Variants in LRRC38 observed in about 807,000 individuals in gnomAD.
LRRC38 encodes leucine rich repeat containing 38, also known as leucine-rich repeat-containing protein 38.
Under a neutral mutation model 16.4 loss-of-function variants are expected in LRRC38, and 5 were observed. That is an observed-to-expected ratio of 0.31 (90% CI 0.16 to 0.64). The LOEUF is 0.64. LRRC38 is among the 30% of genes least tolerant of loss of function. The pLI, the probability that LRRC38 is intolerant of heterozygous loss-of-function variation, is 0.80. For missense variants in LRRC38, 341 were observed against 401.8 expected, an observed-to-expected ratio of 0.85 and a Z score of 1.29; for synonymous variants, 191 against 190.2, an observed-to-expected ratio of 1.00 and a Z score of -0.04.
chr1:13,494,976 G>GT (rs1179067602), intron 1 of LRRC38, among the ~76,000 whole-genome samples: 1 of 152,152 alleles, frequency 6.6e-6, no homozygotes, highest in East Asian at 1.9e-4. Context: ...GTCACCTTTG[G>GT]TTTAGCCCCT....
intron 1 of LRRC38, among the ~76,000 whole-genome samples, chr1:13,501,414 A>G (rs750535083): frequency 2.6e-5 from 4 of 151,876 alleles, no homozygotes; most frequent in Non-Finnish European, 5.9e-5. Context: ...TATTTTATTT[A>G]TTTATTTATT....
chr1:13,505,274 C>T (rs1557504774), intron 1 of LRRC38, among the ~76,000 whole-genome samples: 1 of 152,220 alleles, frequency 6.6e-6, no homozygotes. Context: ...AGAGTAGCCG[C>T]TCCCTCCCTC....
intron 1 of LRRC38, 31 bp downstream of exon 1, chr1:13,512,929 CCCT>C: frequency 1.7e-6 from 2 of 1,184,650 alleles, no homozygotes; most frequent in Non-Finnish European, 2.4e-6. Flanking sequence ...CTGCCCCCCT[CCCT>C]CCCTCCCCCA....
At chr1:13,480,067 G>A (rs376525535) in intron 1 of LRRC38, among the ~76,000 whole-genome samples, 41 of 152,326 alleles carry the variant, frequency 2.7e-4, no homozygotes, top group African/African-American at 9.1e-4. Flanking sequence ...TCTCCAGTCC[G>A]GGAGTGGTGG....
Position 13,475,809 on chromosome 1 carries a change from G to A in LRRC38, c.*37C>T, listed in dbSNP as rs200048884. 519 of 1,538,616 alleles carry A rather than the reference G, an allele frequency of 3.4e-4. No homozygotes were observed. Among genetic ancestry groups the A allele is most frequent in the Non-Finnish European group, 4.3e-4 (485 of 1,139,684 alleles). On this transcript the variant is annotated 3_prime_UTR_variant, in exon 2 of 2. Coordinates refer to ENST00000376085, the MANE Select transcript of LRRC38 (RefSeq NM_001010847.2). The surrounding 1 kb of genome is among the most constrained non-coding windows in gnomAD (Gnocchi z 4.3). ...TCGTCTTGGAGAGAGCTTCTGGTTC[G>A]GTGCTGGAGAGTAAGAGGCAGGAGG...
intron 1 of LRRC38, among the ~76,000 whole-genome samples, chr1:13,498,254 A>C (rs373455415): frequency 0.062 from 8,014 of 130,228 alleles, 655 homozygotes; most frequent in African/African-American, 0.18. Context: ...CAAAACAAAA[A>C]AAAAAAGAGC....
At chr1:13,512,931 C>CTCCG (rs1234558755) in intron 1 of LRRC38, 32 bp downstream of exon 1, 2 of 1,403,980 alleles carry the variant, frequency 1.4e-6, no homozygotes, top group Admixed American at 4.4e-5. Context: ...GCCCCCCTCC[C>CTCCG]TCCCTCCCCC....
chr1:13,495,879 C>T (rs934610145), intron 1 of LRRC38, among the ~76,000 whole-genome samples: 2 of 152,118 alleles, frequency 1.3e-5, no homozygotes, highest in Non-Finnish European at 2.9e-5. Flanking sequence ...TCAGTGACAG[C>T]CCCTCAGGTG....
intron 1 of LRRC38, among the ~76,000 whole-genome samples, chr1:13,510,876 T>G (rs1639266473): frequency 6.6e-6 from 1 of 152,180 alleles, no homozygotes; most frequent in African/African-American, 2.4e-5. Context: ...GGGTCTCACT[T>G]CAAGGTAACT....
intron 1 of LRRC38, among the ~76,000 whole-genome samples, chr1:13,480,557 A>G (rs138190067): frequency 7.4e-4 from 112 of 152,284 alleles, no homozygotes; most frequent in African/African-American, 2.6e-3. Context: ...CTCACCTTGA[A>G]TTGTAATAAT....
At position 13,501,557 on chromosome 1, in the gene LRRC38, C is replaced by T. The variant is rs552141633; in HGVS notation, c.631+11406G>A. On this transcript the variant is annotated intron_variant, in intron 1 of 1. Transcript: ENST00000376085. ...CCTAGCAGCTGGGATTACAGGTGCA[C>T]GCCACCATGCCCGACTAATTTTTGT... is the stretch of plus-strand genomic sequence containing the variant. Among the ~76,000 whole-genome samples, 20 of 143,110 alleles carry T rather than the reference C, an allele frequency of 1.4e-4. 1 individual carries two copies. The highest frequency in any genetic ancestry group is 4.7e-4 in the African/African-American group (17 of 36,334). The allele number at this position is 143,110 out of a possible 152,430, so 93.9% of individuals were successfully genotyped here.
chr1:13,501,987 G>A (rs1042967920), intron 1 of LRRC38, among the ~76,000 whole-genome samples: 10 of 151,860 alleles, frequency 6.6e-5, no homozygotes, highest in Non-Finnish European at 1.5e-4. Context: ...GAATGCAGTG[G>A]CATGATCTTG....
chr1:13,486,015 T>C (rs1344467752), intron 1 of LRRC38, among the ~76,000 whole-genome samples: 3 of 152,152 alleles, frequency 2.0e-5, no homozygotes, highest in African/African-American at 7.2e-5. Context: ...CTCGGCTCAC[T>C]GCAACCTCTG....
At position 13,513,403 on chromosome 1, in the gene LRRC38, G is replaced by A. The variant is rs1156570726; in HGVS notation, c.191C>T (p.Ala64Val). The stretch of plus-strand genomic sequence containing the variant: ...GGGGATCCGCTGGATGCGGTTGCCG[G>A]CCACCAGCAGCTTGCGCACGTCCAG... ...FPLDVRKLLV[A>V]GNRIQRIPED... The change falls in exon 1 of 2, where the codon GCC becomes GTC. Residue 64 changes from alanine to valine, a missense_variant. Transcript: ENST00000376085. 8.4e-6 allele frequency: 13 copies of A among 1,550,388 alleles called. No individual in the cohort carries two copies. Among genetic ancestry groups the A allele is most frequent in the African/African-American group, 2.7e-5 (2 of 73,038 alleles).
At chr1:13,499,904 G>C (rs1239391116) in intron 1 of LRRC38, among the ~76,000 whole-genome samples, 2 of 152,152 alleles carry the variant, frequency 1.3e-5, no homozygotes, top group Non-Finnish European at 2.9e-5. Context: ...GAAAAGTCAA[G>C]CTGGGAACTG....
At chr1:13,505,934 G>A (rs1157324984) in intron 1 of LRRC38, among the ~76,000 whole-genome samples, 3 of 151,468 alleles carry the variant, frequency 2.0e-5, no homozygotes, top group African/African-American at 7.3e-5. Context: ...ATAAGGAGGG[G>A]CCCGTCTGGG....
chr1:13,482,695 G>A (rs114246014), intron 1 of LRRC38, among the ~76,000 whole-genome samples: 2,161 of 152,166 alleles, frequency 0.014, 23 homozygotes, highest in Non-Finnish European at 0.022. Flanking sequence ...GCTGGCATGC[G>A]GCACATGGAG....
chr1:13,512,941 CAGCCTAG>C lies in LRRC38; in HGVS notation c.631+15_631+21del. Reference sequence around the variant, plus strand: ...TCCCTGCCCCCCTCCCTCCCTCCCCCAGCCTAGCCGGCTCGGCTCACCTTTGGGCAGT... The same window carrying C: ...TCCCTGCCCCCCTCCCTCCCTCCCCCCCGGCTCGGCTCACCTTTGGGCAGT... On this transcript the variant is annotated intron_variant, in intron 1 of 1. Transcript: ENST00000376085. 2.6e-6 allele frequency: 4 copies of C among 1,522,432 alleles called. No individual in the cohort carries two copies. Among genetic ancestry groups the C allele is most frequent in the South Asian group, 2.4e-5 (2 of 82,042 alleles). The allele number at this position is 1,522,432 out of a possible 1,614,324, so 94.3% of individuals were successfully genotyped here. A position where few individuals can be genotyped will look rare whatever the true frequency, so the allele number is the denominator to read the frequency against.
intron 1 of LRRC38, among the ~76,000 whole-genome samples, chr1:13,492,470 G>T (rs908191173): frequency 2.6e-5 from 4 of 152,178 alleles, no homozygotes; most frequent in African/African-American, 9.7e-5. Context: ...GGAGGCCGAG[G>T]TGGGTGGATC....
Sources: gnomAD v4.1 joint callset for allele counts (sites outside exome capture counted in the v4.1 genomes callset) on GRCh38, gnomAD v4.1.1 for gene constraint, Gnocchi (gnomAD v3.1) non-coding constraint, MANE v1.5 for transcripts, NCBI Gene and HGNC (gene_info 2026-07-23, HGNC 2026-07-21) for gene names.